Variants in TBR1 observed in about 807,000 individuals in gnomAD.
TBR1 encodes T-box brain transcription factor 1.
A neutral mutation model predicts 60.3 loss-of-function variants in TBR1; 7 were observed. The observed-to-expected ratio is 0.12, with a 90% CI of 0.07 to 0.22. The LOEUF (loss-of-function observed/expected upper bound fraction) is 0.22, where lower values mean the gene tolerates loss of function less well. Among genes scored for constraint, TBR1 ranks in the 10% least tolerant of loss-of-function variants. The probability of loss-of-function intolerance (pLI) is 1.00; values close to 1 mark genes in which losing one functional copy is unlikely to be tolerated. For synonymous variants in TBR1, 417 were observed against 409.9 expected (o/e 1.02, Z -0.21); for missense variants, 616 against 936.8 (o/e 0.66, Z 4.47).
Position 161,424,312 on chromosome 2 carries a change from T to G in TBR1, c.*85T>G. On this transcript the variant is annotated 3_prime_UTR_variant, in exon 6 of 6. Transcript: ENST00000389554. The surrounding 1 kb of genome is among the most constrained non-coding windows in gnomAD (Gnocchi z 4.4). ...CTTCCCCAGCTCCGCCTCCCCACAC[T>G]CCTCCTTGCGCACCCACTCATTTTA... 7.3e-7 allele frequency: 1 copy of G among 1,370,826 alleles called. No homozygotes were observed. Among genetic ancestry groups the G allele is most frequent in the Non-Finnish European group, 9.8e-7 (1 of 1,020,842 alleles). 84.9% of individuals were successfully genotyped at this position (1,370,826 alleles called of 1,614,324 possible). A position where few individuals can be genotyped will look rare whatever the true frequency, so the allele number is the denominator to read the frequency against.
At chr2:161,420,096 T>C (rs1574150749) in intron 4 of TBR1, 100 bp from the exon 5 acceptor site, 1 of 853,294 alleles carries the variant, frequency 1.2e-6, no homozygotes, top group Admixed American at 2.8e-5. Context: ...TAATAAATTG[T>C]AGGCCTTAAG....
Position 161,416,707 on chromosome 2 carries a change from C to G in TBR1, c.297C>G (p.Gly99=). Residue 99 remains glycine (G), a synonymous_variant, in exon 1 of 6, where the codon GGC becomes GGG. Transcript: ENST00000389554. The surrounding 1 kb of genome is among the most constrained non-coding windows in gnomAD (Gnocchi z 6.1). ...GVSELRHSFD[G]SAADRYLLSQ... ...CTGAGCTTCGTCACAGTTTCGATGGCTCTGCTGCAGATCGCTACCTCCTCT... is the reference window on the plus strand; with the variant it reads ...CTGAGCTTCGTCACAGTTTCGATGGGTCTGCTGCAGATCGCTACCTCCTCT... The G allele has an allele frequency of 6.2e-7, 1 of 1,614,098 alleles. No homozygotes were observed. Among genetic ancestry groups the G allele is most frequent in the Non-Finnish European group, 8.5e-7 (1 of 1,179,976 alleles).
At chr2:161,418,175 T>C (rs1251858723) in intron 2 of TBR1, 26 bp from the exon 3 acceptor site, 2 of 1,605,068 alleles carry the variant, frequency 1.2e-6, no homozygotes, top group Non-Finnish European at 1.7e-6. Context: ...CAGGGGCATA[T>C]GTAAACAATG....
In TBR1 at chr2:161,424,527, T is replaced by C. The variant is rs1271781633; in HGVS notation, c.*300T>C. 6.0e-6 allele frequency: 2 copies of C among 335,532 alleles called. No homozygotes were observed. The highest frequency in any genetic ancestry group is 4.2e-5 in the African/African-American group (2 of 47,360). The allele number at this position is 335,532 out of a possible 1,614,324, so 20.8% of individuals were successfully genotyped here. ...ATTCCCCTCCCCCTCGTCTTTCTCT[T>C]ACCTCCTACTTCTCTTTCTTGTAAT... On this transcript the variant is annotated 3_prime_UTR_variant, in exon 6 of 6. Transcript: ENST00000389554. This position sits in a 1 kb window ranked among gnomAD's most constrained non-coding sequence, Gnocchi z 4.4.
rs766023018 is a variant in TBR1 at position 161,416,484 on chromosome 2, C to T, written c.74C>T (p.Pro25Leu). 1 of 1,614,030 alleles carries T rather than the reference C, an allele frequency of 6.2e-7. No homozygotes were observed. The highest frequency in any genetic ancestry group is 8.5e-7 in the Non-Finnish European group (1 of 1,179,926). ...KKFLNVSSSY[P>L]HSGGSELVLH... Reference sequence around the variant, plus strand: ...TTTCTCAATGTGAGCAGCAGCTACCCACATTCAGGCGGATCCGAGCTTGTC... The same window carrying T: ...TTTCTCAATGTGAGCAGCAGCTACCTACATTCAGGCGGATCCGAGCTTGTC... Residue 25 changes from proline (P) to leucine (L), a missense_variant, in exon 1 of 6, where the codon CCA becomes CTA. By Grantham distance (98) the Pro-to-Leu change is moderately conservative (BLOSUM62 -3). Around this residue, in one of 8 missense-constraint regions of TBR1, gnomAD observed 211 missense variants for 268.7 expected, o/e 0.79. Coordinates refer to ENST00000389554, the MANE Select transcript of TBR1 (RefSeq NM_006593.4). This position sits in a 1 kb window ranked among gnomAD's most constrained non-coding sequence, Gnocchi z 6.1.
At chr2:161,422,434 G>A (rs1684247593) in intron 5 of TBR1, 2 of 152,116 alleles carry the variant, frequency 1.3e-5, no homozygotes, top group South Asian at 2.1e-4. Flanking sequence ...TTTCCTCATC[G>A]GTAAAGTGGG....
chr2:161,417,733 C>T lies in TBR1; in HGVS notation c.750C>T (p.Tyr250=), dbSNP rs780954757. The T allele has an allele frequency of 6.2e-7, 1 of 1,613,974 alleles. No individual in the cohort carries two copies. The highest frequency in any genetic ancestry group is 1.1e-5 in the South Asian group (1 of 91,070). The change falls in exon 2 of 6, where the codon TAC becomes TAT. Residue 250 remains tyrosine (Y), a synonymous_variant. Coordinates refer to ENST00000389554, the MANE Select transcript of TBR1 (RefSeq NM_006593.4). This position sits in a 1 kb window ranked among gnomAD's most constrained non-coding sequence, Gnocchi z 5.3. ...CTGGTCTCGATCCCACGGCTCATTACAATATTTTTGTGGATGTGATTTTGG... is the reference window on the plus strand; with the variant it reads ...CTGGTCTCGATCCCACGGCTCATTATAATATTTTTGTGGATGTGATTTTGG... ...NISGLDPTAH[Y]NIFVDVILAD... is the part of the protein sequence containing the mutation.
At chr2:161,421,963 CACAA>C (rs1684239255) in intron 5 of TBR1, 1 of 152,364 alleles carries the variant, frequency 6.6e-6, no homozygotes, top group African/African-American at 2.4e-5. Flanking sequence ...CACACACACA[CACAA>C]ACCTGAGATT....
chr2:161,420,008 A>G, intron 4 of TBR1, 188 bp from the exon 5 acceptor site: 1 of 435,322 alleles, frequency 2.3e-6, no homozygotes. Context: ...CATGTTCCTC[A>G]TAACTTTCAT....
At chr2:161,421,967 A>ACACACACACACACACACACAC (rs1559061874) in intron 5 of TBR1, 1 of 76,210 alleles carries the variant, frequency 1.3e-5, no homozygotes, top group Admixed American at 1.2e-4. Flanking sequence ...CACACACACA[A>ACACACACACACACACACACAC]ACCTGAGATT....
rs1684144584 is a variant in TBR1 at position 161,417,623 on chromosome 2, C to T, written c.693-53C>T. The T allele has an allele frequency of 1.3e-6, 2 of 1,579,566 alleles. No homozygotes were observed. The highest frequency in any genetic ancestry group is 1.2e-5 in the South Asian group (1 of 84,730). On this transcript the variant is annotated intron_variant, in intron 1 of 5. Coordinates refer to ENST00000389554, the MANE Select transcript of TBR1 (RefSeq NM_006593.4). The surrounding 1 kb of genome is among the most constrained non-coding windows in gnomAD (Gnocchi z 5.3). ...CCCGCTTCTTGCATTTAATCTTTAACATTTATGTTTCTTTTTTCCTTGTTT... is the reference window on the plus strand; with the variant it reads ...CCCGCTTCTTGCATTTAATCTTTAATATTTATGTTTCTTTTTTCCTTGTTT...
chr2:161,423,388 A>T lies in TBR1; in HGVS notation c.1210A>T (p.Met404Leu), dbSNP rs937384477. ...NYDTIYTGCD[M>L]DRLTPSPNDS... is the part of the protein sequence containing the mutation. ...CCGCAGGATCTACACCGGCTGTGAC[A>T]TGGACCGCCTGACCCCCTCGCCCAA... Residue 404 changes from methionine to leucine, a missense_variant, in exon 6 of 6, where the codon ATG (methionine) becomes TTG (leucine). Coordinates refer to ENST00000389554, the MANE Select transcript of TBR1 (RefSeq NM_006593.4). The T allele has an allele frequency of 1.9e-6, 3 of 1,560,970 alleles. No homozygotes were observed. The East Asian group carries it at 7.4e-5, about 39-fold the overall frequency.
At position 161,416,729 on chromosome 2, in the gene TBR1, C is replaced by T; in HGVS notation, c.319C>T (p.Leu107Phe). Reference protein sequence around the residue: ...FDGSAADRYLLSQSSQPQSAA... With the variant: ...FDGSAADRYLFSQSSQPQSAA... The stretch of plus-strand genomic sequence containing the variant: ...TGGCTCTGCTGCAGATCGCTACCTC[C>T]TCTCTCAGTCCAGCCAGCCACAGTC... Residue 107 changes from leucine to phenylalanine, a missense_variant, in exon 1 of 6, where the codon CTC becomes TTC. Around this residue, in one of 8 missense-constraint regions of TBR1, gnomAD observed 211 missense variants for 268.7 expected, o/e 0.79. Transcript: ENST00000389554. This position sits in a 1 kb window ranked among gnomAD's most constrained non-coding sequence, Gnocchi z 6.1. The T allele has an allele frequency of 6.2e-7, 1 of 1,614,142 alleles. No individual in the cohort carries two copies. Among genetic ancestry groups the T allele is most frequent in the African/African-American group, 1.3e-5 (1 of 75,050 alleles).
At chr2:161,420,302 G>A in intron 5 of TBR1, 45 bp downstream of exon 5, 1 of 1,536,216 alleles carries the variant, frequency 6.5e-7, no homozygotes, top group Non-Finnish European at 9.0e-7. Flanking sequence ...GTGGAATTGG[G>A]CTTTAGGTCA....
Position 161,423,522 on chromosome 2 carries a change from C to G in TBR1, c.1344C>G (p.Gly448=). The change falls in exon 6 of 6, where the codon GGC becomes GGG. Residue 448 remains glycine, a synonymous_variant. Transcript: ENST00000389554. ...SNYAKARFHP[G]AGAGPGPGTD... The stretch of plus-strand genomic sequence containing the variant: ...ACGCCAAGGCCCGCTTCCACCCGGG[C>G]GCGGGCGCGGGCCCCGGGCCGGGTA... 1 of 1,579,524 alleles carries G rather than the reference C, an allele frequency of 6.3e-7. No individual in the cohort carries two copies. The highest frequency in any genetic ancestry group is 1.1e-5 in the South Asian group (1 of 87,026).
At chr2:161,418,096 ATGTG>A (rs78592009) in intron 2 of TBR1, 101 bp from the exon 3 acceptor site, 26,683 of 1,400,846 alleles carry the variant, frequency 0.019, 177 homozygotes, top group East Asian at 0.12. Context: ...AGGTGTGTGT[ATGTG>A]TGTGTGTGTG....
Position 161,423,916 on chromosome 2 carries a change from C to A in TBR1, c.1738C>A (p.Pro580Thr). ...CGCCGCGCGCATGGCCGGCGCCAAT[C>A]CCTACCTGGGCGAGGAGGCCGAGGG... ...AAAARMAGAN[P>T]YLGEEAEGLA... The change falls in exon 6 of 6, where the codon CCC (proline) becomes ACC (threonine). Residue 580 changes from proline (P) to threonine (T), a missense_variant. Pro to Thr is a conservative substitution (Grantham distance 38). This residue lies in a region of TBR1 where 210 missense variants were observed against 297.4 expected (regional missense o/e 0.71). Transcript: ENST00000389554. 6.7e-7 allele frequency: 1 copy of A among 1,499,576 alleles called. No homozygotes were observed. Among genetic ancestry groups the A allele is most frequent in the Non-Finnish European group, 8.9e-7 (1 of 1,124,770 alleles). 92.9% of individuals were successfully genotyped at this position (1,499,576 alleles called of 1,614,324 possible).
chr2:161,420,586 C>A, intron 5 of TBR1: 1 of 195,408 alleles, frequency 5.1e-6, no homozygotes, highest in Non-Finnish European at 1.0e-5. Context: ...GCTGGGGAGG[C>A]TGCCCTGGTT....
chr2:161,424,410 C>A lies in TBR1; in HGVS notation c.*183C>A. The A allele has an allele frequency of 1.5e-6, 1 of 664,090 alleles. No homozygotes were observed. Among genetic ancestry groups the A allele is most frequent in the Non-Finnish European group, 2.5e-6 (1 of 401,932 alleles). The allele number at this position is 664,090 out of a possible 1,614,324, so 41.1% of individuals were successfully genotyped here. A position where few individuals can be genotyped will look rare whatever the true frequency, so the allele number is the denominator to read the frequency against. On this transcript the variant is annotated 3_prime_UTR_variant, in exon 6 of 6. Coordinates refer to ENST00000389554, the MANE Select transcript of TBR1 (RefSeq NM_006593.4). This position sits in a 1 kb window ranked among gnomAD's most constrained non-coding sequence, Gnocchi z 4.4. ...CGTGATTTTAACCTTTTTTGCACAG[C>A]AGTCTCTGCAATTAGCTCACCGACC... is the stretch of plus-strand genomic sequence containing the variant.
Sources: allele counts gnomAD v4.1 joint callset, GRCh38; gene constraint gnomAD v4.1.1; regional missense constraint gnomAD v4.1.1; non-coding constraint Gnocchi (gnomAD v3.1); transcripts MANE v1.5; gene names NCBI Gene and HGNC (gene_info 2026-07-23, HGNC 2026-07-21).